NCOA6: variants seen among roughly 807,000 people sequenced by gnomAD.
NCOA6 encodes the protein NRC RAP250.
Under a neutral mutation model 171.4 loss-of-function variants are expected in NCOA6, and 49 were observed. The observed-to-expected ratio is 0.29, with a 90% confidence interval of 0.23 to 0.36. The LOEUF (loss-of-function observed/expected upper bound fraction) is 0.36, where lower values mean the gene tolerates loss of function less well. Ranked by LOEUF, NCOA6 falls within the 10% of genes least tolerant of loss-of-function variation. The pLI is 1.00. For missense variants in NCOA6, 2,248 were observed against 2,554.5 expected (o/e 0.88, Z 2.59); for synonymous variants, 910 against 927.5 (o/e 0.98, Z 0.34).
At chr20:34,761,576 T>C (rs1288450242) in intron 5 of NCOA6, among the ~76,000 whole-genome samples, 1 of 152,202 alleles carries the variant, frequency 6.6e-6, no homozygotes, top group African/African-American at 2.4e-5. Flanking sequence ...GCTCTTGGAA[T>C]AATCCTTGGT....
chr20:34,758,755 CT>C (rs2076727903), intron 6 of NCOA6, 49 bp downstream of exon 6: 9 of 619,608 alleles, frequency 1.5e-5, no homozygotes, highest in Non-Finnish European at 2.1e-5. Flanking sequence ...TTATAATGAT[CT>C]GTGCAGAAAG....
At chr20:34,731,016 T>A (rs1330150222) in intron 13 of NCOA6, among the ~76,000 whole-genome samples, 1 of 150,244 alleles carries the variant, frequency 6.7e-6, no homozygotes, top group Non-Finnish European at 1.5e-5. Flanking sequence ...CGTTCTAGAC[T>A]CTTTTTTCTT....
At chr20:34,815,029 T>A (rs1200862811) in intron 1 of NCOA6, among the ~76,000 whole-genome samples, 1 of 152,168 alleles carries the variant, frequency 6.6e-6, no homozygotes. Context: ...ACAATTCAAA[T>A]GAGTATTCAC....
At chr20:34,773,758 A>G (rs960636655) in intron 4 of NCOA6, among the ~76,000 whole-genome samples, 2 of 152,136 alleles carry the variant, frequency 1.3e-5, no homozygotes, top group Non-Finnish European at 2.9e-5. Context: ...TCCTCCCCTC[A>G]AGTGATCCAC....
At chr20:34,754,975 GCTCT>G (rs746023480) in intron 7 of NCOA6, 107 bp from the exon 8 acceptor site, 105 of 1,130,914 alleles carry the variant, frequency 9.3e-5, no homozygotes, top group Non-Finnish European at 1.3e-4. Context: ...CACTGGCTTA[GCTCT>G]CTCTGTCACA....
At chr20:34,793,714 T>A (rs1027744522) in intron 1 of NCOA6, among the ~76,000 whole-genome samples, 2 of 151,214 alleles carry the variant, frequency 1.3e-5, no homozygotes, top group South Asian at 4.2e-4. Flanking sequence ...ACATTGTAAG[T>A]CAAAAAAACA....
At chr20:34,798,947 C>A (rs1390848196) in intron 1 of NCOA6, among the ~76,000 whole-genome samples, 1 of 152,144 alleles carries the variant, frequency 6.6e-6, no homozygotes, top group Non-Finnish European at 1.5e-5. Context: ...CAAACATCCA[C>A]AAACATCAAG....
intron 9 of NCOA6, 46 bp downstream of exon 9, chr20:34,749,357 C>T (rs1364117182): frequency 7.8e-6 from 12 of 1,540,336 alleles, no homozygotes; most frequent in Non-Finnish European, 1.0e-5. Context: ...GTTATCCACA[C>T]AGAAAACAAA....
chr20:34,807,336 G>A (rs1191992625), intron 1 of NCOA6, among the ~76,000 whole-genome samples: 2 of 152,122 alleles, frequency 1.3e-5, no homozygotes, highest in African/African-American at 4.8e-5. Flanking sequence ...CTGACACCTT[G>A]ACTACCTCCT....
chr20:34,730,062 A>T (rs1990426593), intron 13 of NCOA6, among the ~76,000 whole-genome samples: 2 of 80,412 alleles, frequency 2.5e-5, no homozygotes, highest in Non-Finnish European at 5.1e-5. Context: ...TTCTTTTTTT[A>T]AAAAAAATTT....
chr20:34,769,314 T>C (rs1384646910), intron 4 of NCOA6, among the ~76,000 whole-genome samples: 1 of 151,792 alleles, frequency 6.6e-6, no homozygotes, highest in Non-Finnish European at 1.5e-5. Flanking sequence ...TGCCTCAGCC[T>C]CCTGAGTTGC....
chr20:34,794,592 A>C (rs1180626457), intron 1 of NCOA6, among the ~76,000 whole-genome samples: 2 of 152,228 alleles, frequency 1.3e-5, no homozygotes, highest in Non-Finnish European at 2.9e-5. Context: ...GAGAAAAAAA[A>C]CAGAGTAAAC....
intron 3 of NCOA6, 125 bp downstream of exon 3, chr20:34,781,996 T>A (rs1336260428): frequency 1.6e-6 from 1 of 639,212 alleles, no homozygotes; most frequent in East Asian, 2.8e-5. Context: ...AAATTCCACC[T>A]CTGTGCTTAA....
rs143303907 is a variant in NCOA6 at position 34,740,671 on chromosome 20, G to A, written c.5585C>T (p.Pro1862Leu). Residue 1862 changes from proline (P) to leucine (L), a missense_variant, in exon 11 of 15, where the codon CCG (proline) becomes CTG (leucine). Pro to Leu is a moderately conservative substitution (Grantham distance 98, BLOSUM62 -3). This residue lies in a region of NCOA6 where 884 missense variants were observed against 941.9 expected (regional missense o/e 0.94). Coordinates refer to ENST00000359003, the MANE Select transcript of NCOA6 (RefSeq NM_014071.5). ...TEGQGLDTTA[P>L]GLMGTEQLST... ...TAACTGCTCTGTTCCCATGAGCCCC[G>A]GAGCTGTGGTGTCTAGCCCTTGGCC... 25 of 1,614,038 alleles carry A rather than the reference G, an allele frequency of 1.5e-5. No individual in the cohort carries two copies. In the African/African-American group the frequency reaches 2.3e-4, roughly 15 times the overall value.
At chr20:34,726,118 C>T (rs1989929997) in intron 14 of NCOA6, among the ~76,000 whole-genome samples, 1 of 152,024 alleles carries the variant, frequency 6.6e-6, no homozygotes, top group South Asian at 2.1e-4. Context: ...GGTCACAGAA[C>T]CCAAGGGAAA....
intron 1 of NCOA6, among the ~76,000 whole-genome samples, chr20:34,800,189 C>T (rs910728325): frequency 2.0e-5 from 3 of 151,918 alleles, no homozygotes; most frequent in African/African-American, 7.3e-5. Context: ...ATATTATTTG[C>T]AACCCTCATG....
Position 34,825,094 on chromosome 20 carries a change from G to A in NCOA6, c.-164+378C>T, listed in dbSNP as rs537568752. Among the ~76,000 whole-genome samples, 16 of 152,068 alleles carry A rather than the reference G, an allele frequency of 1.1e-4. No homozygotes were observed. In the East Asian group the frequency reaches 2.7e-3, roughly 26 times the overall value. ...CCCAGTGTTCCTTCTCCGCGACCCT[G>A]ACCACGACCCCACGACCGGCTCCCG... On this transcript the variant is annotated intron_variant, in intron 1 of 14. Transcript: ENST00000359003.
At chr20:34,819,307 A>C (rs1422101005) in intron 1 of NCOA6, 2 of 152,226 alleles carry the variant, frequency 1.3e-5, no homozygotes, top group Non-Finnish European at 2.9e-5. Flanking sequence ...CTCACCTAAA[A>C]GTTTCAGCTG....
In NCOA6 at chr20:34,742,177, G is replaced by A; in HGVS notation, c.4079C>T (p.Thr1360Ile). Residue 1360 changes from threonine to isoleucine, a missense_variant, in exon 11 of 15, where the codon ACA (threonine) becomes ATA (isoleucine). By Grantham distance (89) the Thr-to-Ile change is moderately conservative. Coordinates refer to ENST00000359003, the MANE Select transcript of NCOA6 (RefSeq NM_014071.5). ...KAPKLTLASQ[T>I]NAALLQNVEL... The stretch of plus-strand genomic sequence containing the variant: ...CACATTCTGCAATAGGGCTGCATTT[G>A]TCTGAGAGGCCAGAGTAAGTTTAGG... The A allele has an allele frequency of 6.2e-7, 1 of 1,614,226 alleles. No individual in the cohort carries two copies. Among genetic ancestry groups the A allele is most frequent in the Non-Finnish European group, 8.5e-7 (1 of 1,180,058 alleles).
Sources: gnomAD v4.1 joint callset for allele counts (sites outside exome capture counted in the v4.1 genomes callset) on GRCh38, gnomAD v4.1.1 for gene constraint, gnomAD v4.1.1 regional missense constraint, MANE v1.5 for transcripts, NCBI Gene and HGNC (gene_info 2026-07-23, HGNC 2026-07-21) for gene names.